INPP4B: variants seen among roughly 807,000 people sequenced by gnomAD.
The protein encoded by INPP4B is inositol polyphosphate-4-phosphatase type II B.
A neutral mutation model predicts 122.5 loss-of-function variants in INPP4B; 55 were observed. The observed-to-expected ratio is 0.45, with a 90% CI of 0.36 to 0.56. The LOEUF (loss-of-function observed/expected upper bound fraction) is 0.56. INPP4B is among the 20% of genes least tolerant of loss of function. The pLI, the probability that INPP4B is intolerant of heterozygous loss-of-function variation, is 0.00. For synonymous variants in INPP4B, 403 were observed against 388.7 expected (o/e 1.04, Z -0.43); for missense variants, 1,000 against 1,097.7 (o/e 0.91, Z 1.26).
At chr4:142,834,699 T>A (rs1782568233) in intron 1 of INPP4B, among the ~76,000 whole-genome samples, 1 of 152,174 alleles carries the variant, frequency 6.6e-6, no homozygotes, top group Non-Finnish European at 1.5e-5. Context: ...TGATTTAGAA[T>A]CCCATTGCAA....
chr4:142,342,743 A>C (rs1480909913), intron 7 of INPP4B, among the ~76,000 whole-genome samples: 2 of 152,160 alleles, frequency 1.3e-5, no homozygotes, highest in Non-Finnish European at 2.9e-5. Context: ...AAATTTTCCC[A>C]AAAAAGCATT....
At chr4:142,516,840 T>C (rs573159085) in intron 2 of INPP4B, among the ~76,000 whole-genome samples, 4 of 152,048 alleles carry the variant, frequency 2.6e-5, no homozygotes, top group East Asian at 1.9e-4. Context: ...TCCTGTCAAA[T>C]GACACAGTCC....
chr4:142,502,310 C>T (rs1010951725), intron 2 of INPP4B, among the ~76,000 whole-genome samples: 1 of 152,096 alleles, frequency 6.6e-6, no homozygotes, highest in African/African-American at 2.4e-5. Context: ...TTCTGCTGAA[C>T]CCAAATTTTT....
intron 7 of INPP4B, among the ~76,000 whole-genome samples, chr4:142,320,118 T>C (rs1461009086): frequency 1.3e-5 from 2 of 152,222 alleles, no homozygotes; most frequent in African/African-American, 2.4e-5. Flanking sequence ...TCTAAACTCC[T>C]GAGGCCACAC....
At chr4:142,340,064 G>A (rs771147367) in intron 7 of INPP4B, among the ~76,000 whole-genome samples, 2 of 152,078 alleles carry the variant, frequency 1.3e-5, no homozygotes, top group African/African-American at 2.4e-5. Flanking sequence ...TTACAGAAAT[G>A]AAAGTCTCTC....
intron 4 of INPP4B, among the ~76,000 whole-genome samples, chr4:142,429,609 T>C (rs940955415): frequency 1.3e-5 from 2 of 152,044 alleles, no homozygotes; most frequent in Non-Finnish European, 2.9e-5. Flanking sequence ...TCCAAGCCAC[T>C]CTAACCTGCT....
intron 8 of INPP4B, among the ~76,000 whole-genome samples, chr4:142,313,091 G>T (rs35298298): frequency 0.15 from 22,301 of 152,128 alleles, 2,239 homozygotes; most frequent in African/African-American, 0.28. Context: ...TAGCCCGTAG[G>T]GGGAAATGGT....
intron 7 of INPP4B, among the ~76,000 whole-genome samples, chr4:142,390,615 A>C (rs1797362699): frequency 6.6e-6 from 1 of 152,316 alleles, no homozygotes; most frequent in African/African-American, 2.4e-5. Context: ...ATATATGGGG[A>C]GCATTCTCAA....
intron 2 of INPP4B, among the ~76,000 whole-genome samples, chr4:142,680,919 A>G (rs1448228945): frequency 2.0e-5 from 3 of 151,866 alleles, no homozygotes; most frequent in Admixed American, 6.6e-5. Context: ...CATCCATGAC[A>G]CAAAAGTAAG....
chr4:142,234,811 G>C (rs1471942904), intron 12 of INPP4B, among the ~76,000 whole-genome samples: 6 of 152,150 alleles, frequency 3.9e-5, no homozygotes, highest in Non-Finnish European at 7.4e-5. Flanking sequence ...GGGAGGCAGT[G>C]TTTATTTGTC....
intron 17 of INPP4B, among the ~76,000 whole-genome samples, chr4:142,152,438 T>C (rs1024189531): frequency 6.6e-6 from 1 of 152,040 alleles, no homozygotes; most frequent in Non-Finnish European, 1.5e-5. Context: ...TTTTAATCCT[T>C]TCATTCTCAT....
At chr4:142,276,880 C>T (rs577751008) in intron 9 of INPP4B, among the ~76,000 whole-genome samples, 3 of 151,940 alleles carry the variant, frequency 2.0e-5, no homozygotes, top group South Asian at 2.1e-4. Flanking sequence ...TATTTGGAAA[C>T]ATTTCAATGC....
intron 5 of INPP4B, chr4:142,423,914 T>C (rs1807482325): frequency 2.8e-6 from 1 of 351,688 alleles, no homozygotes; most frequent in Non-Finnish European, 5.5e-6. Flanking sequence ...TTGAGGAGAA[T>C]ACTGTTTTCA....
At chr4:142,671,219 T>C (rs1282489673) in intron 2 of INPP4B, among the ~76,000 whole-genome samples, 2 of 152,082 alleles carry the variant, frequency 1.3e-5, no homozygotes, top group African/African-American at 4.8e-5. Context: ...TATAAATCTA[T>C]ACTAAGGCCT....
At chr4:142,444,916 G>A (rs1425954903) in intron 3 of INPP4B, among the ~76,000 whole-genome samples, 3 of 152,150 alleles carry the variant, frequency 2.0e-5, no homozygotes, top group East Asian at 3.9e-4. Context: ...ACACAGCCAC[G>A]AAAAACCAAA....
chr4:142,577,503 T>G (rs1266866404), intron 2 of INPP4B, among the ~76,000 whole-genome samples: 1 of 151,914 alleles, frequency 6.6e-6, no homozygotes, highest in Non-Finnish European at 1.5e-5. Flanking sequence ...GAAATATAAA[T>G]GGGAAGAGAA....
chr4:142,113,598 G>A (rs1791379341), intron 21 of INPP4B, among the ~76,000 whole-genome samples: 2 of 151,872 alleles, frequency 1.3e-5, no homozygotes, highest in South Asian at 4.1e-4. Flanking sequence ...ATAGAGACCT[G>A]GTAAATATCA....
chr4:142,646,548 A>G (rs1580609937), intron 2 of INPP4B, among the ~76,000 whole-genome samples: 1 of 152,246 alleles, frequency 6.6e-6, no homozygotes, highest in African/African-American at 2.4e-5. Flanking sequence ...TTATGAGGAC[A>G]GAATGTTGAC....
intron 25 of INPP4B, among the ~76,000 whole-genome samples, chr4:142,077,332 A>T (rs1771337650): frequency 6.6e-6 from 1 of 151,982 alleles, no homozygotes; most frequent in African/African-American, 2.4e-5. Context: ...ACAAAAGACA[A>T]TTGAGAACTA....
Sources: gnomAD v4.1 joint callset for allele counts (sites outside exome capture counted in the v4.1 genomes callset) on GRCh38, gnomAD v4.1.1 for gene constraint, MANE v1.5 for transcripts, NCBI Gene and HGNC (gene_info 2026-07-23, HGNC 2026-07-21) for gene names.